Variants in SETBP1 observed in about 807,000 individuals in gnomAD.
The protein encoded by SETBP1 is SET-binding protein.
A neutral mutation model predicts 101.0 loss-of-function variants in SETBP1; 9 were observed. The observed-to-expected ratio is 0.09, with a 90% CI of 0.05 to 0.16. The LOEUF is 0.16. SETBP1 is among the 10% of genes least tolerant of loss of function. SETBP1 has a pLI of 1.00. For synonymous variants in SETBP1, 818 were observed against 788.5 expected, an observed-to-expected ratio of 1.04 and a Z score of -0.63; for missense variants, 1,858 against 2,033.8, an observed-to-expected ratio of 0.91 and a Z score of 1.66.
chr18:44,840,968 AG>A (rs2072604324), intron 2 of SETBP1, among the ~76,000 whole-genome samples: 1 of 152,250 alleles, frequency 6.6e-6, no homozygotes, highest in African/African-American at 2.4e-5. Context: ...TTAACATAAA[AG>A]TAAGGAAACT....
At chr18:44,923,462 T>C (rs1381403776) in intron 3 of SETBP1, among the ~76,000 whole-genome samples, 1 of 152,228 alleles carries the variant, frequency 6.6e-6, no homozygotes, top group Non-Finnish European at 1.5e-5. Flanking sequence ...CCTGATGTTG[T>C]TGAGTCTTTG....
At chr18:44,746,947 A>G (rs954719440) in intron 2 of SETBP1, among the ~76,000 whole-genome samples, 1 of 152,234 alleles carries the variant, frequency 6.6e-6, no homozygotes, top group African/African-American at 2.4e-5. Context: ...CTATGGATGC[A>G]TACGGCACCT....
intron 3 of SETBP1, among the ~76,000 whole-genome samples, chr18:44,907,896 G>T (rs1265613226): frequency 6.6e-6 from 1 of 151,878 alleles, no homozygotes; most frequent in African/African-American, 2.4e-5. Context: ...TCATATCTGG[G>T]GAGGGTTTGC....
intron 4 of SETBP1, among the ~76,000 whole-genome samples, chr18:44,968,605 C>A (rs1314044802): frequency 6.6e-6 from 1 of 152,172 alleles, no homozygotes; most frequent in African/African-American, 2.4e-5. Context: ...ATCACTGTGT[C>A]TTATGCTGAT....
chr18:44,723,993 C>T (rs996872410), intron 2 of SETBP1, among the ~76,000 whole-genome samples: 1 of 152,302 alleles, frequency 6.6e-6, no homozygotes, highest in East Asian at 1.9e-4. Context: ...CTATTAATTA[C>T]ATGGGAAGGA....
At chr18:44,826,153 G>T (rs1211274582) in intron 2 of SETBP1, among the ~76,000 whole-genome samples, 1 of 152,222 alleles carries the variant, frequency 6.6e-6, no homozygotes, top group African/African-American at 2.4e-5. Flanking sequence ...AAGTTCTAGT[G>T]TAATGATTTT....
At chr18:44,973,135 C>G (rs1440299233) in intron 4 of SETBP1, among the ~76,000 whole-genome samples, 1 of 152,140 alleles carries the variant, frequency 6.6e-6, no homozygotes, top group East Asian at 1.9e-4. Context: ...TTGAGATAAT[C>G]ATCTGGTTTT....
chr18:44,952,701 G>A lies in SETBP1; in HGVS notation c.3361G>A (p.Val1121Ile), dbSNP rs2145111962. Reference protein sequence around the residue: ...AKHGVHLQGPVSMGLGDMQPS... With the variant: ...AKHGVHLQGPISMGLGDMQPS... ...GCATGGAGTACACCTGCAGGGACCT[G>A]TTAGCATGGGCCTTGGTGACATGCA... is the stretch of plus-strand genomic sequence containing the variant. The change falls in exon 4 of 6, where the codon GTT becomes ATT. Residue 1121 changes from valine (V) to isoleucine (I), a missense_variant. Coordinates refer to ENST00000649279, the MANE Select transcript of SETBP1 (RefSeq NM_015559.3). 2.5e-6 allele frequency: 4 copies of A among 1,614,150 alleles called. No individual in the cohort carries two copies. The highest frequency in any genetic ancestry group is 1.1e-5 in the South Asian group (1 of 91,074).
At chr18:45,008,938 T>C (rs2072782539) in intron 4 of SETBP1, among the ~76,000 whole-genome samples, 1 of 152,176 alleles carries the variant, frequency 6.6e-6, no homozygotes, top group Admixed American at 6.5e-5. Context: ...GAACAGCTAG[T>C]GTCCCCTTGG....
chr18:44,963,924 G>A (rs9958669), intron 4 of SETBP1, among the ~76,000 whole-genome samples: 5,945 of 101,140 alleles, frequency 0.059, 550 homozygotes, highest in African/African-American at 0.19. Context: ...AAAAAAAAAG[G>A]GTTATATATA....
chr18:44,754,114 A>G (rs1357797544), intron 2 of SETBP1, among the ~76,000 whole-genome samples: 1 of 152,232 alleles, frequency 6.6e-6, no homozygotes, highest in African/African-American at 2.4e-5. Flanking sequence ...CAGCTTCCCC[A>G]GTATTTGAAA....
Position 45,047,844 on chromosome 18 carries a change from A to G in SETBP1, c.4171+9189A>G, listed in dbSNP as rs1599492578. On this transcript the variant is annotated intron_variant, in intron 5 of 5. Coordinates refer to ENST00000649279, the MANE Select transcript of SETBP1 (RefSeq NM_015559.3). ...GAGTAAAGATTGTGAGACAGGTGTGACAAAGACAGAGAGAGAGAGAGAGAG... is the reference window on the plus strand; with the variant it reads ...GAGTAAAGATTGTGAGACAGGTGTGGCAAAGACAGAGAGAGAGAGAGAGAG... Among the ~76,000 whole-genome samples the G allele has an allele frequency of 2.0e-5, 3 of 152,262 alleles. No individual in the cohort carries two copies. The East Asian group carries it at 5.8e-4, about 29-fold the overall frequency.
At chr18:45,029,826 T>A (rs1236707362) in intron 4 of SETBP1, among the ~76,000 whole-genome samples, 1 of 152,140 alleles carries the variant, frequency 6.6e-6, no homozygotes, top group Non-Finnish European at 1.5e-5. Flanking sequence ...GTTATTGGTG[T>A]ATAAGAATGC....
intron 2 of SETBP1, among the ~76,000 whole-genome samples, chr18:44,703,476 C>T (rs1248714310): frequency 3.5e-5 from 5 of 143,672 alleles, no homozygotes; most frequent in African/African-American, 1.0e-4. Context: ...ATCCTTATAC[C>T]GGGTGTTGTG....
At chr18:44,870,541 T>A (rs1439620340) in intron 3 of SETBP1, 1 of 152,340 alleles carries the variant, frequency 6.6e-6, no homozygotes, top group East Asian at 1.9e-4. Context: ...TAAGCCTTTT[T>A]TGTCAACCAC....
At chr18:44,985,657 GGTACCA>G (rs2072215505) in intron 4 of SETBP1, among the ~76,000 whole-genome samples, 1 of 152,118 alleles carries the variant, frequency 6.6e-6, no homozygotes, top group Non-Finnish European at 1.5e-5. Flanking sequence ...ACAGTGTCTA[GGTACCA>G]GTCTATCAAT....
rs1253174151 is a variant in SETBP1, at chr18:44,880,001, CT to C, written c.540+10719del. On this transcript the variant is annotated intron_variant, in intron 3 of 5. Transcript: ENST00000649279. ...AGCAACTTTCTCAGGCCCAGTAATC[CT>C]CTCCACATATTTCTGGAGGTCCACT... Among the ~76,000 whole-genome samples, 3 of 152,190 alleles carry C rather than the reference CT, an allele frequency of 2.0e-5. 1 individual carries two copies. In the East Asian group the frequency reaches 5.8e-4, roughly 29 times the overall value.
At chr18:44,700,062 A>G (rs2069090401) in intron 1 of SETBP1, among the ~76,000 whole-genome samples, 1 of 152,196 alleles carries the variant, frequency 6.6e-6, no homozygotes, top group Admixed American at 6.5e-5. Flanking sequence ...TCCAGCGTAC[A>G]GCCTAAGGGT....
At chr18:44,994,733 C>T (rs1237448183) in intron 4 of SETBP1, among the ~76,000 whole-genome samples, 2 of 152,308 alleles carry the variant, frequency 1.3e-5, no homozygotes, top group Non-Finnish European at 2.9e-5. Flanking sequence ...CACATCTACA[C>T]ATATCAGCTG....
Sources: gnomAD v4.1 joint callset for allele counts (sites outside exome capture counted in the v4.1 genomes callset) on GRCh38, gnomAD v4.1.1 for gene constraint, MANE v1.5 for transcripts, NCBI Gene and HGNC (gene_info 2026-07-23, HGNC 2026-07-21) for gene names.